CD96: variants seen among roughly 807,000 people sequenced by gnomAD.
The protein encoded by CD96 is CD96 molecule, also known as T-cell surface protein tactile.
Under a neutral mutation model 71.3 loss-of-function variants are expected in CD96, and 70 were observed. That is an observed-to-expected ratio of 0.98 (90% confidence interval 0.81 to 1.20). The LOEUF (loss-of-function observed/expected upper bound fraction) is 1.20, where lower values mean the gene tolerates loss of function less well. Ranked by LOEUF, CD96 falls within the 50% of genes most tolerant of loss-of-function variation. The probability of loss-of-function intolerance (pLI) is 0.00; values close to 1 mark genes in which losing one functional copy is unlikely to be tolerated. For synonymous variants in CD96, 248 were observed against 233.0 expected (o/e 1.06, Z -0.59); for missense variants, 742 against 677.5 (o/e 1.10, Z -1.06).
chr3:111,554,617 A>G (rs747049736), intron 2 of CD96, among the ~76,000 whole-genome samples: 2 of 152,098 alleles, frequency 1.3e-5, no homozygotes, highest in Non-Finnish European at 2.9e-5. Context: ...TAATATATGT[A>G]TTAAACTCAA....
intron 2 of CD96, among the ~76,000 whole-genome samples, chr3:111,545,714 C>T (rs1463880623): frequency 1.3e-5 from 2 of 152,056 alleles, no homozygotes; most frequent in Non-Finnish European, 2.9e-5. Flanking sequence ...GACACTACCA[C>T]AATTTAGGAG....
intron 7 of CD96, 110 bp downstream of exon 7, chr3:111,601,024 C>A: frequency 1.4e-6 from 1 of 698,086 alleles, no homozygotes. Flanking sequence ...TCTCAGAAAA[C>A]TTTTTATGTA....
rs979712767 is a variant in CD96, at chr3:111,637,231, T to TC, written c.1361dup (p.Ser455ValfsTer9). 2 of 1,592,034 alleles carry TC rather than the reference T, an allele frequency of 1.3e-6. No homozygotes were observed. Among genetic ancestry groups the TC allele is most frequent in the Admixed American group, 3.3e-5 (2 of 59,992 alleles). ...GATACCTAGTGAAACATACAGTTCA[T>TC]CCCCGTCAGGTGCAGGCTCAACACT... On this transcript the variant is annotated frameshift_variant, in exon 11 of 14. Transcript: ENST00000352690. LOFTEE classifies it high-confidence loss of function.
At chr3:111,587,177 T>G (rs1407090751) in intron 5 of CD96, among the ~76,000 whole-genome samples, 1 of 152,226 alleles carries the variant, frequency 6.6e-6, no homozygotes, top group East Asian at 1.9e-4. Context: ...AAGACTCATA[T>G]CCAGGTCATA....
intron 8 of CD96, among the ~76,000 whole-genome samples, chr3:111,622,119 C>T (rs190466869): frequency 1.5e-3 from 235 of 152,244 alleles, no homozygotes; most frequent in African/African-American, 5.4e-3. Flanking sequence ...AGCCTACTAT[C>T]ACACTCTGTA....
chr3:111,593,247 G>A (rs1460436867), intron 5 of CD96: 5 of 274,062 alleles, frequency 1.8e-5, no homozygotes, highest in East Asian at 6.6e-5. Context: ...GTTAAACAAC[G>A]CTGACTGGCT....
In CD96 at chr3:111,650,782, G is replaced by C. The variant is rs1940041824; in HGVS notation, c.*976G>C. ...TAAAGCAGTTGAAGCAGAATGTATA[G>C]GTGTCAGAGAAGAAACCTAGTCAGC... On this transcript the variant is annotated 3_prime_UTR_variant, in exon 14 of 14. Transcript: ENST00000352690. The C allele has an allele frequency of 6.6e-6, 1 of 152,184 alleles. No individual in the cohort carries two copies. Among genetic ancestry groups the C allele is most frequent in the Admixed American group, 6.5e-5 (1 of 15,274 alleles). The allele number at this position is 152,184 out of a possible 1,614,324, so 9.4% of individuals were successfully genotyped here. A position where few individuals can be genotyped will look rare whatever the true frequency, so the allele number is the denominator to read the frequency against.
At chr3:111,654,751 T>A (rs1467767167), downstream of CD96, among the ~76,000 whole-genome samples, 3 of 152,218 alleles carry the variant, frequency 2.0e-5, no homozygotes, top group Non-Finnish European at 4.4e-5. Context: ...TTATGCACAT[T>A]TGCCCTGAGT....
intron 14 of CD96, among the ~76,000 whole-genome samples, chr3:111,660,423 T>TC: frequency 6.6e-6 from 1 of 152,244 alleles, no homozygotes; most frequent in Non-Finnish European, 1.5e-5. Flanking sequence ...TCAATATTTT[T>TC]TAAATGGCCA....
intron 13 of CD96, among the ~76,000 whole-genome samples, chr3:111,649,337 G>A (rs1029841101): frequency 4.6e-5 from 7 of 152,166 alleles, no homozygotes; most frequent in Admixed American, 4.6e-4. Context: ...GTAGAATGGT[G>A]ATGCATTTCC....
At chr3:111,550,371 A>G (rs991050307) in intron 2 of CD96, among the ~76,000 whole-genome samples, 2 of 152,110 alleles carry the variant, frequency 1.3e-5, no homozygotes, top group African/African-American at 4.8e-5. Context: ...AAGAGTAGAT[A>G]GAGGTGTTCA....
chr3:111,597,565 A>G, intron 5 of CD96, among the ~76,000 whole-genome samples: 1 of 152,338 alleles, frequency 6.6e-6, no homozygotes, highest in East Asian at 1.9e-4. Flanking sequence ...GGCATGCTCT[A>G]CCTATCCTTA....
At chr3:111,634,912 A>G (rs1473258842) in intron 10 of CD96, 2 of 152,152 alleles carry the variant, frequency 1.3e-5, no homozygotes, top group Non-Finnish European at 2.9e-5. Flanking sequence ...AAAAAAATAG[A>G]CAATAGTAAC....
Position 111,623,958 on chromosome 3 carries a change from G to T in CD96, c.1249+136G>T, listed in dbSNP as rs539463107. ...GATGTTTGTTAATATCTTGGTTTTG[G>T]GTTACTCTGCGGTGACTATATATTG... is the stretch of plus-strand genomic sequence containing the variant. On this transcript the variant is annotated intron_variant, in intron 9 of 13. Coordinates refer to ENST00000352690, the MANE Select transcript of CD96 (RefSeq NM_005816.5). The T allele has an allele frequency of 3.1e-4, 224 of 726,822 alleles. No homozygotes were observed. In the East Asian group the frequency reaches 5.9e-3, roughly 19 times the overall value. 45.0% of individuals were successfully genotyped at this position (726,822 alleles called of 1,614,324 possible).
intron 11 of CD96, among the ~76,000 whole-genome samples, 165 bp downstream of exon 11, chr3:111,637,426 A>G (rs1190988789): frequency 6.6e-6 from 1 of 152,238 alleles, no homozygotes; most frequent in Non-Finnish European, 1.5e-5. Context: ...CTTCTCAGCC[A>G]TTCAAAGAAG....
chr3:111,594,415 C>T, intron 5 of CD96: 1 of 513,550 alleles, frequency 1.9e-6, no homozygotes, highest in Non-Finnish European at 3.5e-6. Flanking sequence ...AGCAAAACAG[C>T]CCAAGAGTGC....
intron 3 of CD96, chr3:111,570,542 A>G: frequency 1.6e-6 from 2 of 1,213,230 alleles, no homozygotes; most frequent in Non-Finnish European, 2.3e-6. Context: ...GTTAACTGAC[A>G]GTGGCCTGGC....
chr3:111,647,916 C>T (rs932880589), intron 13 of CD96, among the ~76,000 whole-genome samples: 1 of 152,074 alleles, frequency 6.6e-6, no homozygotes, highest in Non-Finnish European at 1.5e-5. Flanking sequence ...AGAGCAAGTC[C>T]GTGGACATGA....
intron 4 of CD96, among the ~76,000 whole-genome samples, chr3:111,582,052 C>T (rs1043517797): frequency 6.6e-6 from 1 of 152,162 alleles, no homozygotes; most frequent in African/African-American, 2.4e-5. Context: ...GGCAAGAAAG[C>T]TGGGGTATTC....
Sources: allele counts gnomAD v4.1 joint callset (sites outside exome capture counted in the v4.1 genomes callset), GRCh38; gene constraint gnomAD v4.1.1; transcripts MANE v1.5; gene names NCBI Gene and HGNC (gene_info 2026-07-23, HGNC 2026-07-21).